EFR3B: variants seen among roughly 807,000 people sequenced by gnomAD.
The protein encoded by EFR3B is protein EFR3 homolog B.
In EFR3B, 64 loss-of-function variants were observed where a neutral mutation model predicts 104.7. The observed-to-expected ratio is 0.61, with a 90% confidence interval of 0.50 to 0.75. EFR3B has a LOEUF of 0.75. Ranked by LOEUF, EFR3B falls within the 30% of genes least tolerant of loss-of-function variation. The pLI is 0.00. For synonymous variants in EFR3B, 385 were observed against 417.9 expected (o/e 0.92, Z 0.96); for missense variants, 750 against 1,078.5 (o/e 0.70, Z 4.27).
chr2:25,059,875 CAAAAAAAAAAAAA>C (rs773320701), intron 1 of EFR3B, among the ~76,000 whole-genome samples: 1 of 48,742 alleles, frequency 2.1e-5, no homozygotes, highest in Non-Finnish European at 3.7e-5. Flanking sequence ...AACTCTGTCT[CAAAAAAAAAAAAA>C]AAAAAAAAAA....
intron 1 of EFR3B, among the ~76,000 whole-genome samples, chr2:25,065,293 T>A (rs6730297): frequency 6.6e-6 from 1 of 151,244 alleles, no homozygotes; most frequent in Admixed American, 6.6e-5. Flanking sequence ...TGATCCTCCC[T>A]CTTCAGCCTC....
Position 25,134,202 on chromosome 2 carries a change from G to A in EFR3B, c.1311+768G>A, listed in dbSNP as rs185539305. On this transcript the variant is annotated intron_variant, in intron 12 of 22. Transcript: ENST00000403714. ...ATTTTTTTTTTTTTTTTTTTGAGAT[G>A]GAGTTTCGCTCTTGTTGCTTAGGCT... is the stretch of plus-strand genomic sequence containing the variant. 1.9e-3 allele frequency among the ~76,000 whole-genome samples: 278 copies of A among 149,764 alleles called. 3 individuals carry two copies. The East Asian group carries it at 0.037, about 20-fold the overall frequency.
chr2:25,129,331 C>CGGGGGCGGGGGCGGGGGT (rs1670261334), intron 6 of EFR3B, among the ~76,000 whole-genome samples: 5 of 47,034 alleles, frequency 1.1e-4, no homozygotes, highest in Admixed American at 5.9e-4. Context: ...GGGGCGGGGG[C>CGGGGGCGGGGGCGGGGGT]GGGGGCGGGG....
chr2:25,059,790 G>T (rs1008405700), intron 1 of EFR3B, among the ~76,000 whole-genome samples: 1 of 144,936 alleles, frequency 6.9e-6, no homozygotes, highest in Non-Finnish European at 1.5e-5. Context: ...CAGGAGAATC[G>T]CTTGAACCCA....
chr2:25,135,527 C>A lies in EFR3B; in HGVS notation c.1372C>A (p.Arg458Ser). 1.9e-6 allele frequency: 3 copies of A among 1,551,850 alleles called. No individual in the cohort carries two copies. The highest frequency in any genetic ancestry group is 2.6e-6 in the Non-Finnish European group (3 of 1,147,024). The change falls in exon 13 of 23, where the codon CGC (arginine) becomes AGC (serine). Residue 458 changes from arginine (R) to serine (S), a missense_variant. By Grantham distance (110) the Arg-to-Ser change is moderately radical. Coordinates refer to ENST00000403714, the MANE Select transcript of EFR3B (RefSeq NM_014971.2). ...AGCCCTGCCTAGCAACTTCCTGGACCGCCTTCTCTCCACCGCCCTCATGGA... is the reference window on the plus strand; with the variant it reads ...AGCCCTGCCTAGCAACTTCCTGGACAGCCTTCTCTCCACCGCCCTCATGGA... Reference protein sequence around the residue: ...MSALPSNFLDRLLSTALMEDA... With the variant: ...MSALPSNFLDSLLSTALMEDA...
Position 25,130,511 on chromosome 2 carries a change from G to C in EFR3B, c.771-41G>C. ...CTAATCTCTTCTCCCTAACACTGCC[G>C]GGAGTTTCATAGTTGTTCCCCCACG... On this transcript the variant is annotated intron_variant, in intron 7 of 22. Transcript: ENST00000403714. The surrounding 1 kb of genome is among the most constrained non-coding windows in gnomAD (Gnocchi z 4.6). 3 of 1,489,710 alleles carry C rather than the reference G, an allele frequency of 2.0e-6. No homozygotes were observed. Among genetic ancestry groups the C allele is most frequent in the Non-Finnish European group, 2.8e-6 (3 of 1,090,678 alleles). 92.3% of individuals were successfully genotyped at this position (1,489,710 alleles called of 1,614,324 possible).
rs1670096644 is a variant in EFR3B at position 25,124,143 on chromosome 2, C to G, written c.485+2349C>G. Among the ~76,000 whole-genome samples, 2 of 152,262 alleles carry G rather than the reference C, an allele frequency of 1.3e-5. 1 individual carries two copies. Among genetic ancestry groups the G allele is most frequent in the South Asian group, 4.1e-4 (2 of 4,820 alleles). Reference sequence around the variant, plus strand: ...TCTCAGCCTTTTTAGACTCAGCTGACCCGGTGGCAGCTGTGCTGGGCTGTC... The same window carrying G: ...TCTCAGCCTTTTTAGACTCAGCTGAGCCGGTGGCAGCTGTGCTGGGCTGTC... On this transcript the variant is annotated intron_variant, in intron 5 of 22. Coordinates refer to ENST00000403714, the MANE Select transcript of EFR3B (RefSeq NM_014971.2).
At position 25,106,211 on chromosome 2, in the gene EFR3B, T is replaced by C. The variant is rs576939970; in HGVS notation, c.363+2424T>C. ...AGGTCTTCACAGGGATTCAGGGCTT[T>C]GTGAGGGGAAAGGGGGCCTAGGAGA... On this transcript the variant is annotated intron_variant, in intron 4 of 22. Coordinates refer to ENST00000403714, the MANE Select transcript of EFR3B (RefSeq NM_014971.2). Among the ~76,000 whole-genome samples, 15 of 152,256 alleles carry C rather than the reference T, an allele frequency of 9.9e-5. 1 individual carries two copies. In the East Asian group the frequency reaches 2.9e-3, roughly 29 times the overall value.
At chr2:25,112,209 G>T (rs1165544451) in intron 4 of EFR3B, among the ~76,000 whole-genome samples, 1 of 152,262 alleles carries the variant, frequency 6.6e-6, no homozygotes, top group Admixed American at 6.5e-5. Flanking sequence ...AAGGCCAGTG[G>T]AACGGCCCAA....
intron 1 of EFR3B, chr2:25,081,092 T>G: frequency 1.4e-6 from 1 of 699,508 alleles, no homozygotes; most frequent in Admixed American, 2.0e-5. Context: ...TCTCCATCCC[T>G]ATTGCAAAGT....
chr2:25,087,062 C>T (rs551221956), intron 1 of EFR3B, among the ~76,000 whole-genome samples: 10 of 152,102 alleles, frequency 6.6e-5, no homozygotes, highest in East Asian at 1.9e-4. Flanking sequence ...CTTACAATTA[C>T]GGCAGAAGGG....
intron 1 of EFR3B, among the ~76,000 whole-genome samples, chr2:25,082,777 G>C (rs1026878182): frequency 3.3e-5 from 5 of 152,220 alleles, no homozygotes; most frequent in African/African-American, 4.8e-5. Flanking sequence ...TTACCTTCGA[G>C]TGGGGAGATG....
At chr2:25,142,343 G>A (rs193027397) in intron 17 of EFR3B, among the ~76,000 whole-genome samples, 387 of 151,646 alleles carry the variant, frequency 2.6e-3, no homozygotes, top group Admixed American at 4.2e-3. Flanking sequence ...CTCTACTCGG[G>A]AGGCTGAGGC....
chr2:25,139,220 G>A (rs1670596885), intron 16 of EFR3B, 30 bp downstream of exon 16: 1 of 1,543,530 alleles, frequency 6.5e-7, no homozygotes. Context: ...AGAGCTCAGG[G>A]GGCCCTCAAC....
At chr2:25,071,945 A>G (rs1316189529) in intron 1 of EFR3B, among the ~76,000 whole-genome samples, 1 of 152,070 alleles carries the variant, frequency 6.6e-6, no homozygotes, top group African/African-American at 2.4e-5. Context: ...TTTTCAATGT[A>G]TCTGTTTTAC....
chr2:25,133,867 A>T (rs1252652664), intron 12 of EFR3B, among the ~76,000 whole-genome samples: 1 of 151,998 alleles, frequency 6.6e-6, no homozygotes, highest in Non-Finnish European at 1.5e-5. Context: ...GCTGTGTTTT[A>T]TTTAACTCTT....
At chr2:25,051,055 C>G (rs1182592034) in intron 1 of EFR3B, among the ~76,000 whole-genome samples, 4 of 152,160 alleles carry the variant, frequency 2.6e-5, no homozygotes, top group Non-Finnish European at 5.9e-5. Context: ...TCAGCTGCCT[C>G]CTGGTTTGCT....
chr2:25,055,362 C>A (rs962653348), intron 1 of EFR3B, among the ~76,000 whole-genome samples: 2 of 152,072 alleles, frequency 1.3e-5, no homozygotes, highest in Admixed American at 1.3e-4. Flanking sequence ...TATACGAGTC[C>A]CTCACTGGGG....
Position 25,145,012 on chromosome 2 carries a change from G to A in EFR3B, c.2103G>A (p.Gln701=). The A allele has an allele frequency of 6.4e-7, 1 of 1,551,772 alleles. No homozygotes were observed. The highest frequency in any genetic ancestry group is 8.7e-7 in the Non-Finnish European group (1 of 1,147,008). Reference sequence around the variant, plus strand: ...GCATTGGAGAGACCATCTCCCTGCAGGTGGAGGTAGAATCGAGGAACAGTC... The same window carrying A: ...GCATTGGAGAGACCATCTCCCTGCAAGTGGAGGTAGAATCGAGGAACAGTC... ...RRSIGETISL[Q]VEVESRNSPE... Residue 701 remains glutamine (Q), a synonymous_variant, in exon 19 of 23, where the codon CAG becomes CAA. Coordinates refer to ENST00000403714, the MANE Select transcript of EFR3B (RefSeq NM_014971.2).
Sources: allele counts gnomAD v4.1 joint callset (sites outside exome capture counted in the v4.1 genomes callset), GRCh38; gene constraint gnomAD v4.1.1; non-coding constraint Gnocchi (gnomAD v3.1); transcripts MANE v1.5; gene names NCBI Gene and HGNC (gene_info 2026-07-23, HGNC 2026-07-21).